The following NUP153 variants were observed in gnomAD, a reference collection of about 807,000 sequenced individuals.
NUP153 encodes the protein nuclear pore complex protein Nup153.
In NUP153, 27 loss-of-function variants were observed where a neutral mutation model predicts 134.6. The observed-to-expected ratio is 0.20, with a 90% CI of 0.15 to 0.28. The LOEUF (loss-of-function observed/expected upper bound fraction) is 0.28, where lower values mean the gene tolerates loss of function less well. Among genes scored for constraint, NUP153 ranks in the 10% least tolerant of loss-of-function variants. The pLI, the probability that NUP153 is intolerant of heterozygous loss-of-function variation, is 1.00. For missense variants in NUP153, 1,821 were observed against 1,731.3 expected, an observed-to-expected ratio of 1.05 and a Z score of -0.92; for synonymous variants, 640 against 623.5, an observed-to-expected ratio of 1.03 and a Z score of -0.40.
At chr6:17,687,227 T>C (rs535804572) in intron 2 of NUP153, among the ~76,000 whole-genome samples, 3 of 152,344 alleles carry the variant, frequency 2.0e-5, no homozygotes, top group East Asian at 1.9e-4. Flanking sequence ...AGATCATTTC[T>C]ACAGCTATCT....
rs1002536529 is a variant in NUP153 at position 17,638,894 on chromosome 6, T to C, written c.1846+1045A>G. ...TGGACTCCTGTAGGCAGTATACTTA[T>C]CTATAAAATGAGAGAGCTGGACCAG... On this transcript the variant is annotated intron_variant, in intron 15 of 21. Coordinates refer to ENST00000262077, the MANE Select transcript of NUP153 (RefSeq NM_005124.4). The surrounding 1 kb of genome is among the most constrained non-coding windows in gnomAD (Gnocchi z 4.0). Among the ~76,000 whole-genome samples, 17 of 152,220 alleles carry C rather than the reference T, an allele frequency of 1.1e-4. No individual in the cohort carries two copies. The highest frequency in any genetic ancestry group is 3.1e-4 in the African/African-American group (13 of 41,446).
In NUP153 at chr6:17,688,327, T is replaced by C. The variant is rs1188551042; in HGVS notation, c.334+69A>G. The C allele has an allele frequency of 1.4e-5, 16 of 1,145,858 alleles. No homozygotes were observed. In the Admixed American group the frequency reaches 2.5e-4, roughly 18 times the overall value. The allele number at this position is 1,145,858 out of a possible 1,614,324, so 71.0% of individuals were successfully genotyped here. A position where few individuals can be genotyped will look rare whatever the true frequency, so the allele number is the denominator to read the frequency against. ...ACCGCCTGATTAGATTTACCATAACTAGGTAGTGTCTTCAAAATTAGGGCA... is the reference window on the plus strand; with the variant it reads ...ACCGCCTGATTAGATTTACCATAACCAGGTAGTGTCTTCAAAATTAGGGCA... On this transcript the variant is annotated intron_variant, in intron 2 of 21. Transcript: ENST00000262077.
intron 16 of NUP153, among the ~76,000 whole-genome samples, chr6:17,633,707 C>T (rs1471134159): frequency 6.6e-6 from 1 of 152,158 alleles, no homozygotes; most frequent in Non-Finnish European, 1.5e-5. Context: ...CTTGGTAAGG[C>T]CCAAAATATA....
At chr6:17,636,513 C>A (rs922253567) in intron 16 of NUP153, among the ~76,000 whole-genome samples, 5 of 151,992 alleles carry the variant, frequency 3.3e-5, no homozygotes, top group African/African-American at 1.2e-4. Context: ...CAGTGTAATT[C>A]CCAGGATATC....
intron 1 of NUP153, among the ~76,000 whole-genome samples, chr6:17,695,925 C>T (rs190851022): frequency 3.3e-5 from 5 of 152,146 alleles, no homozygotes; most frequent in East Asian, 3.9e-4. Context: ...AGGAGAATGG[C>T]GTGAACCCGG....
Position 17,669,523 on chromosome 6 carries a change from T to C in NUP153, c.876A>G (p.Lys292=). 1 of 1,613,692 alleles carries C rather than the reference T, an allele frequency of 6.2e-7. No homozygotes were observed. The highest frequency in any genetic ancestry group is 8.5e-7 in the Non-Finnish European group (1 of 1,179,556). The change falls in exon 6 of 22, where the codon AAA becomes AAG. Residue 292 remains lysine (K), a synonymous_variant. Coordinates refer to ENST00000262077, the MANE Select transcript of NUP153 (RefSeq NM_005124.4). The stretch of plus-strand genomic sequence containing the variant: ...AAGATTGTGCACTGAGTTGCTTAGC[T>C]TTCATTTGTCTTCTAACTGGTGCCT... ...PYQAPVRRQM[K]AKQLSAQSYG...
Position 17,706,715 on chromosome 6 carries a change from C to A in NUP153, c.-328G>T. The A allele has an allele frequency of 2.8e-6, 1 of 351,290 alleles. No homozygotes were observed. The highest frequency in any genetic ancestry group is 5.2e-6 in the Non-Finnish European group (1 of 190,788). The allele number at this position is 351,290 out of a possible 1,614,324, so 21.8% of individuals were successfully genotyped here. A position where few individuals can be genotyped will look rare whatever the true frequency, so the allele number is the denominator to read the frequency against. On this transcript the variant is annotated 5_prime_UTR_variant, in exon 1 of 22. Coordinates refer to ENST00000262077, the MANE Select transcript of NUP153 (RefSeq NM_005124.4). This position sits in a 1 kb window ranked among gnomAD's most constrained non-coding sequence, Gnocchi z 5.9. ...ACAGCACGAACAGTTCCCCGCGGTG[C>A]TGAGGCCTAACTCGACCGCCGACTG...
chr6:17,693,987 C>A (rs142989255), intron 1 of NUP153, among the ~76,000 whole-genome samples: 2 of 152,184 alleles, frequency 1.3e-5, no homozygotes, highest in South Asian at 2.1e-4. Context: ...TCTCATTTTG[C>A]TTCCCAGCTT....
In NUP153 at chr6:17,706,202, G is replaced by A. The variant is rs935730264; in HGVS notation, c.111+75C>T. On this transcript the variant is annotated intron_variant, in intron 1 of 21. Coordinates refer to ENST00000262077, the MANE Select transcript of NUP153 (RefSeq NM_005124.4). This position sits in a 1 kb window ranked among gnomAD's most constrained non-coding sequence, Gnocchi z 5.9. ...TCCTGTCTGCTCCACGTGGGGCGCC[G>A]GGGCCTCGAACCGCCCGTCCCCTCC... 3 of 1,196,630 alleles carry A rather than the reference G, an allele frequency of 2.5e-6. No homozygotes were observed. The highest frequency in any genetic ancestry group is 3.0e-5 in the African/African-American group (2 of 66,506). 74.1% of individuals were successfully genotyped at this position (1,196,630 alleles called of 1,614,324 possible).
chr6:17,628,588 C>T lies in NUP153; in HGVS notation c.3544+67G>A. ...AATTGACTTGCTGCATCTGTCAAGG[C>T]AACTTGTAAAACGACAACTTGTAAA... On this transcript the variant is annotated intron_variant, in intron 18 of 21. Coordinates refer to ENST00000262077, the MANE Select transcript of NUP153 (RefSeq NM_005124.4). The surrounding 1 kb of genome is among the most constrained non-coding windows in gnomAD (Gnocchi z 5.4). The T allele has an allele frequency of 1.1e-6, 1 of 889,000 alleles. No homozygotes were observed. Among genetic ancestry groups the T allele is most frequent in the Non-Finnish European group, 1.5e-6 (1 of 685,390 alleles). The allele number at this position is 889,000 out of a possible 1,614,324, so 55.1% of individuals were successfully genotyped here.
chr6:17,669,903 T>C (rs1767789519), intron 5 of NUP153, among the ~76,000 whole-genome samples: 1 of 151,876 alleles, frequency 6.6e-6, no homozygotes, highest in African/African-American at 2.4e-5. Flanking sequence ...AAGACCAGCC[T>C]GGGCAACATG....
chr6:17,617,193 C>T (rs1437265228), intron 20 of NUP153, among the ~76,000 whole-genome samples: 1 of 152,160 alleles, frequency 6.6e-6, no homozygotes, highest in Non-Finnish European at 1.5e-5. Flanking sequence ...CAACAAATCA[C>T]ACAACTTACC....
At chr6:17,669,682 G>A (rs1408474705) in intron 5 of NUP153, 136 bp from the exon 6 acceptor site, 2 of 643,694 alleles carry the variant, frequency 3.1e-6, no homozygotes, top group South Asian at 1.9e-5. Context: ...ATTTATCTTT[G>A]GGTGGTATCA....
intron 14 of NUP153, among the ~76,000 whole-genome samples, chr6:17,641,470 G>A (rs1765835835): frequency 2.0e-5 from 3 of 151,996 alleles, no homozygotes; most frequent in African/African-American, 4.8e-5. Flanking sequence ...GGGAGGCGGA[G>A]GTTGCAGTGA....
intron 8 of NUP153, among the ~76,000 whole-genome samples, chr6:17,666,496 A>G (rs1255965365): frequency 2.0e-5 from 3 of 152,228 alleles, no homozygotes; most frequent in Non-Finnish European, 4.4e-5. Flanking sequence ...CCTGGGAGAC[A>G]GAGCAAGAGT....
At chr6:17,641,858 AG>A (rs372173889) in intron 14 of NUP153, among the ~76,000 whole-genome samples, 2,707 of 152,092 alleles carry the variant, frequency 0.018, 29 homozygotes, top group South Asian at 0.047. Context: ...TCAGAAAAAA[AG>A]AAGAAAGAAA....
chr6:17,653,118 C>T (rs1048009674), intron 11 of NUP153, among the ~76,000 whole-genome samples: 6 of 152,038 alleles, frequency 3.9e-5, no homozygotes, highest in Non-Finnish European at 7.4e-5. Context: ...CCGGGCATGG[C>T]AGTGTCCGCC....
chr6:17,671,575 T>G (rs1399803074), intron 5 of NUP153, among the ~76,000 whole-genome samples: 2 of 152,222 alleles, frequency 1.3e-5, no homozygotes, highest in Admixed American at 6.5e-5. Context: ...TCGAGATCTG[T>G]ATGCTGAACA....
At chr6:17,616,290 G>GGGGGGGGGGGGGGCCCC in intron 21 of NUP153, 109 bp from the exon 22 acceptor site, 2 of 473,788 alleles carry the variant, frequency 4.2e-6, no homozygotes, top group East Asian at 4.5e-5. Context: ...GGTGGGGGGG[G>GGGGGGGGGGGGGGCCCC]AGTAGACTCA....
Sources: gnomAD v4.1 joint callset for allele counts (sites outside exome capture counted in the v4.1 genomes callset) on GRCh38, gnomAD v4.1.1 for gene constraint, Gnocchi (gnomAD v3.1) non-coding constraint, MANE v1.5 for transcripts, NCBI Gene and HGNC (gene_info 2026-07-23, HGNC 2026-07-21) for gene names.